Variants in SPIDR observed in about 807,000 individuals in gnomAD.
The protein encoded by SPIDR is DNA repair-scaffolding protein.
In SPIDR, 93 loss-of-function variants were observed where a neutral mutation model predicts 104.6. That is an observed-to-expected ratio of 0.89 (90% confidence interval 0.75 to 1.06). The LOEUF (loss-of-function observed/expected upper bound fraction) is 1.06, where lower values mean the gene tolerates loss of function less well. Among genes scored for constraint, SPIDR ranks in the 50% least tolerant of loss-of-function variants. The pLI, the probability that SPIDR is intolerant of heterozygous loss-of-function variation, is 0.00. For synonymous variants in SPIDR, 431 were observed against 416.9 expected (o/e 1.03, Z -0.41); for missense variants, 1,154 against 1,111.2 (o/e 1.04, Z -0.55).
intron 6 of SPIDR, among the ~76,000 whole-genome samples, chr8:47,401,239 G>A (rs981811484): frequency 9.2e-5 from 14 of 152,116 alleles, no homozygotes; most frequent in Non-Finnish European, 8.8e-5. Context: ...GCCAAACTAC[G>A]CTTCATAAGT....
chr8:47,456,324 T>G (rs2072961724), intron 8 of SPIDR, among the ~76,000 whole-genome samples: 1 of 152,158 alleles, frequency 6.6e-6, no homozygotes, highest in Non-Finnish European at 1.5e-5. Context: ...GAGAGAGGCC[T>G]CAGAATAAAC....
At chr8:47,336,621 G>C (rs1024149324) in intron 5 of SPIDR, among the ~76,000 whole-genome samples, 2 of 152,182 alleles carry the variant, frequency 1.3e-5, no homozygotes, top group Non-Finnish European at 1.5e-5. Context: ...TTTTTTGAGA[G>C]CAGAAGGTCA....
intron 8 of SPIDR, among the ~76,000 whole-genome samples, chr8:47,446,740 C>G (rs1221063434): frequency 6.6e-6 from 1 of 152,038 alleles, no homozygotes; most frequent in African/African-American, 2.4e-5. Context: ...GTGTGCGCCA[C>G]CACGCCTGGC....
At chr8:47,634,760 G>A (rs1005110248) in intron 10 of SPIDR, among the ~76,000 whole-genome samples, 5 of 152,202 alleles carry the variant, frequency 3.3e-5, no homozygotes, top group Non-Finnish European at 5.9e-5. Flanking sequence ...CTCAGAGCCT[G>A]TACCCACACC....
intron 2 of SPIDR, among the ~76,000 whole-genome samples, chr8:47,282,479 T>C (rs2037984880): frequency 6.6e-6 from 1 of 152,254 alleles, no homozygotes; most frequent in African/African-American, 2.4e-5. Flanking sequence ...TTTTATGTTA[T>C]GGAGATGATT....
upstream of SPIDR, chr8:47,260,916 C>T: frequency 4.1e-6 from 5 of 1,217,342 alleles, no homozygotes; most frequent in South Asian, 7.9e-5. Context: ...GGTGGGACGG[C>T]GGCGCGCTGA....
chr8:47,284,451 C>G (rs1428488175), intron 3 of SPIDR, among the ~76,000 whole-genome samples: 1 of 152,030 alleles, frequency 6.6e-6, no homozygotes, highest in Non-Finnish European at 1.5e-5. Flanking sequence ...AGAAATGTGA[C>G]CTATGCCATA....
intron 5 of SPIDR, among the ~76,000 whole-genome samples, chr8:47,364,328 G>A (rs2056772593): frequency 6.6e-6 from 1 of 152,182 alleles, no homozygotes; most frequent in African/African-American, 2.4e-5. Context: ...GTATTCTGCA[G>A]CTGGAGCCTC....
intron 8 of SPIDR, among the ~76,000 whole-genome samples, chr8:47,498,984 GT>G (rs930254193): frequency 3.3e-5 from 5 of 152,058 alleles, no homozygotes; most frequent in African/African-American, 1.2e-4. Context: ...TACCACGAGG[GT>G]TTTTCATTAC....
intron 10 of SPIDR, among the ~76,000 whole-genome samples, chr8:47,609,527 G>T (rs2063365255): frequency 6.6e-6 from 1 of 152,082 alleles, no homozygotes; most frequent in Non-Finnish European, 1.5e-5. Flanking sequence ...TTTGGCATTT[G>T]TTACAGTTTG....
chr8:47,479,295 G>A (rs1485580029), intron 8 of SPIDR, among the ~76,000 whole-genome samples: 1 of 151,510 alleles, frequency 6.6e-6, no homozygotes, highest in Non-Finnish European at 1.5e-5. Flanking sequence ...GGAGGCGGAG[G>A]CTGCAGTGAG....
chr8:47,292,897 A>T (rs1421629268), intron 4 of SPIDR, among the ~76,000 whole-genome samples: 1 of 152,092 alleles, frequency 6.6e-6, no homozygotes, highest in East Asian at 1.9e-4. Context: ...GAGTGAATGA[A>T]TGAATGAGTG....
intron 4 of SPIDR, among the ~76,000 whole-genome samples, chr8:47,291,464 G>A (rs1047774593): frequency 6.6e-6 from 1 of 152,122 alleles, no homozygotes; most frequent in Non-Finnish European, 1.5e-5. Flanking sequence ...GACTAAACAT[G>A]CAATTACCAT....
intron 5 of SPIDR, among the ~76,000 whole-genome samples, chr8:47,337,996 T>C (rs2050084375): frequency 6.6e-6 from 1 of 152,200 alleles, no homozygotes. Context: ...TTATAATAGG[T>C]TTTAAAATTG....
At position 47,665,436 on chromosome 8, in the gene SPIDR, G is replaced by A. The variant is rs143987824; in HGVS notation, c.1545-8365G>A. 7.2e-3 allele frequency among the ~76,000 whole-genome samples: 1,102 copies of A among 152,216 alleles called. 7 individuals carry two copies. The highest frequency in any genetic ancestry group is 0.011 in the Non-Finnish European group (737 of 68,006). ...TTTATAGAAACCAAAGACCACTGTCGTTCATCTTCATTTTGAAGTATTCTA... is the reference window on the plus strand; with the variant it reads ...TTTATAGAAACCAAAGACCACTGTCATTCATCTTCATTTTGAAGTATTCTA... On this transcript the variant is annotated intron_variant, in intron 10 of 19. Transcript: ENST00000297423.
chr8:47,687,855 G>C (rs2078020145), intron 11 of SPIDR, among the ~76,000 whole-genome samples: 1 of 152,176 alleles, frequency 6.6e-6, no homozygotes, highest in Non-Finnish European at 1.5e-5. Flanking sequence ...TTGAGGCCAG[G>C]AGTTTGAGAC....
chr8:47,413,429 C>G (rs1286818863), intron 7 of SPIDR, among the ~76,000 whole-genome samples: 2 of 152,208 alleles, frequency 1.3e-5, no homozygotes, highest in Non-Finnish European at 1.5e-5. Context: ...TCTTTCAAAC[C>G]CTGCCACTCT....
intron 7 of SPIDR, among the ~76,000 whole-genome samples, chr8:47,416,285 A>T (rs1554675296): frequency 6.6e-6 from 1 of 152,196 alleles, no homozygotes; most frequent in Non-Finnish European, 1.5e-5. Context: ...TATAGTTTAT[A>T]ACCTTTTGGG....
chr8:47,260,998 T>C lies in SPIDR; in HGVS notation c.33+7T>C. ...CCGCGCTCGGGGCTCTAAGGTAGGC[T>C]CTGGGGCGGGAGTGGGCGCCGCGCC... On this transcript the variant is annotated splice_region_variant and intron_variant, in intron 1 of 19. Transcript: ENST00000297423. 1.6e-6 allele frequency: 2 copies of C among 1,228,390 alleles called. No homozygotes were observed. The highest frequency in any genetic ancestry group is 2.0e-6 in the Non-Finnish European group (2 of 985,644). The allele number at this position is 1,228,390 out of a possible 1,614,324, so 76.1% of individuals were successfully genotyped here. A position where few individuals can be genotyped will look rare whatever the true frequency, so the allele number is the denominator to read the frequency against.
Sources: allele counts gnomAD v4.1 joint callset (sites outside exome capture counted in the v4.1 genomes callset), GRCh38; gene constraint gnomAD v4.1.1; transcripts MANE v1.5; gene names NCBI Gene and HGNC (gene_info 2026-07-23, HGNC 2026-07-21).